PBLD: variants seen among roughly 807,000 people sequenced by gnomAD.
The protein encoded by PBLD is phenazine biosynthesis like protein domain containing, also known as phenazine biosynthesis-like domain-containing protein.
A neutral mutation model predicts 31.3 loss-of-function variants in PBLD; 26 were observed. That is an observed-to-expected ratio of 0.83 (90% CI 0.61 to 1.15). PBLD has a LOEUF of 1.15. Among genes scored for constraint, PBLD ranks in the 50% most tolerant of loss-of-function variants. PBLD has a pLI of 0.00. For missense variants in PBLD, 307 were observed against 351.7 expected, an observed-to-expected ratio of 0.87 and a Z score of 1.02; for synonymous variants, 114 against 129.0, an observed-to-expected ratio of 0.88 and a Z score of 0.79.
At chr10:68,293,767 GA>G (rs1488162194) in intron 4 of PBLD, among the ~76,000 whole-genome samples, 1 of 152,060 alleles carries the variant, frequency 6.6e-6, no homozygotes, top group African/African-American at 2.4e-5. Context: ...CCGAAGTCAG[GA>G]GTTTGAGACC....
intron 1 of PBLD, among the ~76,000 whole-genome samples, chr10:68,324,174 A>G (rs1393046800): frequency 6.6e-6 from 1 of 151,186 alleles, no homozygotes; most frequent in Non-Finnish European, 1.5e-5. Context: ...TTTTTGAGAT[A>G]GAGCTGGGAC....
At chr10:68,284,945 A>G (rs4745957) in intron 9 of PBLD, 677,957 of 915,400 alleles carry the variant, frequency 0.74, 254,187 homozygotes, top group Non-Finnish European at 0.77. Flanking sequence ...CTCTGCCTCT[A>G]AGCAATACAT....
chr10:68,291,991 T>C lies in PBLD; in HGVS notation c.423+19A>G. The C allele has an allele frequency of 6.4e-7, 1 of 1,573,088 alleles. No homozygotes were observed. Reference sequence around the variant, plus strand: ...ACAATAACAAATAACTAGGCTCAGGTTTGATTCTTTTTACCAACCTTTATC... The same window carrying C: ...ACAATAACAAATAACTAGGCTCAGGCTTGATTCTTTTTACCAACCTTTATC... On this transcript the variant is annotated intron_variant, in intron 6 of 9. Coordinates refer to ENST00000358769, the MANE Select transcript of PBLD (RefSeq NM_022129.4).
chr10:68,321,725 T>TA (rs2044837717), intron 1 of PBLD, among the ~76,000 whole-genome samples: 2 of 151,838 alleles, frequency 1.3e-5, no homozygotes, highest in South Asian at 2.1e-4. Flanking sequence ...AAAAAATAAA[T>TA]AAAAAGGAAT....
chr10:68,307,971 G>A (rs1463468250), intron 1 of PBLD, among the ~76,000 whole-genome samples: 4 of 152,042 alleles, frequency 2.6e-5, no homozygotes, highest in Non-Finnish European at 5.9e-5. Flanking sequence ...GCACAAATTA[G>A]CAATAACATT....
At chr10:68,310,344 T>C (rs1274988329) in intron 1 of PBLD, among the ~76,000 whole-genome samples, 2 of 138,100 alleles carry the variant, frequency 1.4e-5, no homozygotes, top group African/African-American at 2.7e-5. Flanking sequence ...ATATTTATCA[T>C]GTACAATATA....
intron 1 of PBLD, among the ~76,000 whole-genome samples, chr10:68,324,907 T>A (rs1564739828): frequency 6.7e-6 from 1 of 149,086 alleles, no homozygotes; most frequent in Non-Finnish European, 1.5e-5. Flanking sequence ...TGAGCCATCA[T>A]GCCCAGCCAA....
chr10:68,288,462 C>T, intron 8 of PBLD, 21 bp downstream of exon 8: 1 of 1,610,476 alleles, frequency 6.2e-7, no homozygotes, highest in Non-Finnish European at 8.5e-7. Context: ...TAACCCTCCC[C>T]TGGGCTCAAG....
chr10:68,313,850 C>T (rs2044701442), intron 1 of PBLD, among the ~76,000 whole-genome samples: 2 of 152,122 alleles, frequency 1.3e-5, no homozygotes, highest in Admixed American at 6.5e-5. Context: ...ACAAAAAAAC[C>T]CTTTTCCATA....
At chr10:68,322,505 TAA>T (rs577171400) in intron 1 of PBLD, among the ~76,000 whole-genome samples, 1 of 130,020 alleles carries the variant, frequency 7.7e-6, no homozygotes, top group Non-Finnish European at 1.7e-5. Context: ...GACAAAAAAT[TAA>T]AAAAAAAAAA....
chr10:68,302,164 C>T (rs145352961), intron 2 of PBLD, among the ~76,000 whole-genome samples: 5 of 152,328 alleles, frequency 3.3e-5, no homozygotes, highest in South Asian at 4.1e-4. Context: ...TCTTTTCAAA[C>T]GCTGCACAAA....
chr10:68,311,072 C>G (rs1348425619), intron 1 of PBLD, among the ~76,000 whole-genome samples: 1 of 152,086 alleles, frequency 6.6e-6, no homozygotes, highest in African/African-American at 2.4e-5. Flanking sequence ...AAGTAAAAAG[C>G]AAAATGGTTG....
At chr10:68,300,853 G>A (rs1354396672) in intron 2 of PBLD, among the ~76,000 whole-genome samples, 1 of 152,100 alleles carries the variant, frequency 6.6e-6, no homozygotes, top group African/African-American at 2.4e-5. Flanking sequence ...CTTTGTATTA[G>A]GACAGCTTCT....
intron 1 of PBLD, among the ~76,000 whole-genome samples, chr10:68,326,733 T>C (rs1044388451): frequency 4.6e-5 from 7 of 152,256 alleles, no homozygotes; most frequent in Middle Eastern, 3.4e-3. Flanking sequence ...TATAATAACC[T>C]AACAAACCAT....
chr10:68,318,016 A>G (rs1264890204), intron 1 of PBLD, among the ~76,000 whole-genome samples: 1 of 152,120 alleles, frequency 6.6e-6, no homozygotes, highest in East Asian at 1.9e-4. Context: ...TCACGAGGTC[A>G]GGAGATCGAG....
intron 6 of PBLD, among the ~76,000 whole-genome samples, chr10:68,289,849 T>G (rs1243516920): frequency 6.6e-6 from 1 of 152,092 alleles, no homozygotes; most frequent in African/African-American, 2.4e-5. Flanking sequence ...ATTAGAACGT[T>G]CCACACGGCA....
intron 4 of PBLD, chr10:68,295,954 C>A (rs1369928999): frequency 4.0e-5 from 7 of 175,828 alleles, no homozygotes; most frequent in Non-Finnish European, 8.4e-5. Context: ...CAGTGAGACT[C>A]TGTCTCAAAA....
chr10:68,325,116 C>A (rs2044897780), intron 1 of PBLD, among the ~76,000 whole-genome samples: 2 of 151,314 alleles, frequency 1.3e-5, no homozygotes, highest in African/African-American at 4.9e-5. Flanking sequence ...CGGTGGCAGG[C>A]ACCTGTAATC....
intron 6 of PBLD, among the ~76,000 whole-genome samples, chr10:68,290,353 G>A (rs756082601): frequency 2.6e-5 from 4 of 152,134 alleles, no homozygotes; most frequent in East Asian, 1.9e-4. Flanking sequence ...TCCTACAGCC[G>A]GATCCCATCT....
Sources: allele counts gnomAD v4.1 joint callset (sites outside exome capture counted in the v4.1 genomes callset), GRCh38; gene constraint gnomAD v4.1.1; transcripts MANE v1.5; gene names NCBI Gene and HGNC (gene_info 2026-07-23, HGNC 2026-07-21).